CELF4: variants seen among roughly 807,000 people sequenced by gnomAD.
The protein encoded by CELF4 is CUGBP Elav-like family member 4.
Under a neutral mutation model 59.9 loss-of-function variants are expected in CELF4, and 18 were observed. That is an observed-to-expected ratio of 0.30 (90% CI 0.21 to 0.45). CELF4 has a LOEUF of 0.45. CELF4 is among the 20% of genes least tolerant of loss of function. The pLI, the probability that CELF4 is intolerant of heterozygous loss-of-function variation, is 1.00. For synonymous variants in CELF4, 261 were observed against 267.1 expected (o/e 0.98, Z 0.22); for missense variants, 456 against 689.0 (o/e 0.66, Z 3.79).
At chr18:37,420,658 G>T (rs2099572529) in intron 2 of CELF4, among the ~76,000 whole-genome samples, 1 of 152,174 alleles carries the variant, frequency 6.6e-6, no homozygotes, top group Non-Finnish European at 1.5e-5. Flanking sequence ...GAGAACAGGT[G>T]ACTCGTTCTC....
At chr18:37,457,654 C>T (rs552293227) in intron 2 of CELF4, among the ~76,000 whole-genome samples, 15 of 152,260 alleles carry the variant, frequency 9.9e-5, no homozygotes, top group African/African-American at 3.4e-4. Context: ...ACCTTACATC[C>T]CGCAGCCCGA....
intron 3 of CELF4, among the ~76,000 whole-genome samples, chr18:37,313,040 G>T (rs1259163748): frequency 2.0e-5 from 3 of 152,218 alleles, no homozygotes; most frequent in African/African-American, 7.2e-5. Flanking sequence ...AGGTGGGCAG[G>T]TGAGGGTGGG....
intron 1 of CELF4, among the ~76,000 whole-genome samples, chr18:37,547,109 G>A (rs1316652529): frequency 4.6e-5 from 7 of 151,680 alleles, no homozygotes; most frequent in Admixed American, 2.0e-4. Flanking sequence ...GTTCCCTGGC[G>A]AACTCCTTAC....
At chr18:37,273,676 G>A in intron 6 of CELF4, 1 of 988,074 alleles carries the variant, frequency 1.0e-6, no homozygotes, top group Non-Finnish European at 1.2e-6. Flanking sequence ...TGTGGCCAAG[G>A]CGGACAGTAC....
intron 2 of CELF4, among the ~76,000 whole-genome samples, chr18:37,326,978 A>C (rs2097339442): frequency 6.6e-6 from 1 of 152,212 alleles, no homozygotes; most frequent in East Asian, 1.9e-4. Flanking sequence ...AAATTTTAAT[A>C]ATGTCAAGCT....
intron 1 of CELF4, among the ~76,000 whole-genome samples, chr18:37,517,667 C>T (rs1433804056): frequency 6.6e-6 from 1 of 152,218 alleles, no homozygotes; most frequent in Non-Finnish European, 1.5e-5. Flanking sequence ...CTCTCCCTGC[C>T]TTCTCTTGTC....
intron 1 of CELF4, among the ~76,000 whole-genome samples, chr18:37,552,490 C>A (rs1440506769): frequency 6.6e-6 from 1 of 152,232 alleles, no homozygotes; most frequent in Non-Finnish European, 1.5e-5. Context: ...AGTGACTCCC[C>A]AACTCCCGCC....
At chr18:37,276,378 C>T (rs369760153) in intron 3 of CELF4, 6 of 152,346 alleles carry the variant, frequency 3.9e-5, no homozygotes, top group African/African-American at 1.4e-4. Context: ...ACTGCTCTAA[C>T]AAATAAAGAA....
intron 2 of CELF4, among the ~76,000 whole-genome samples, chr18:37,359,433 C>T (rs866853434): frequency 1.3e-5 from 2 of 152,102 alleles, no homozygotes; most frequent in African/African-American, 4.8e-5. Context: ...TCTCAAACTC[C>T]TAGACTCAAA....
intron 1 of CELF4, among the ~76,000 whole-genome samples, chr18:37,527,219 C>T (rs372905571): frequency 6.6e-5 from 10 of 151,744 alleles, no homozygotes; most frequent in South Asian, 2.1e-4. Flanking sequence ...AAATACCAGC[C>T]GCACTCCCTG....
At chr18:37,313,158 G>GTCT (rs1324573724) in intron 3 of CELF4, among the ~76,000 whole-genome samples, 1 of 152,166 alleles carries the variant, frequency 6.6e-6, no homozygotes, top group Non-Finnish European at 1.5e-5. Context: ...TCATCCCAGG[G>GTCT]TCTCCCAGGC....
intron 2 of CELF4, among the ~76,000 whole-genome samples, chr18:37,380,628 T>C (rs866595241): frequency 1.3e-5 from 2 of 150,652 alleles, no homozygotes; most frequent in Non-Finnish European, 1.5e-5. Context: ...TATTCATTTC[T>C]TCATCCATTT....
intron 3 of CELF4, among the ~76,000 whole-genome samples, chr18:37,316,907 C>G (rs2154513091): frequency 6.6e-6 from 1 of 152,292 alleles, no homozygotes; most frequent in Middle Eastern, 3.4e-3. Flanking sequence ...GTCCGAGAAG[C>G]CCTCCTGGGA....
intron 2 of CELF4, among the ~76,000 whole-genome samples, chr18:37,408,200 G>A (rs1191651014): frequency 1.3e-5 from 2 of 152,140 alleles, no homozygotes; most frequent in South Asian, 2.1e-4. Context: ...ATGGGCTGGG[G>A]AAGACAAGTG....
intron 1 of CELF4, among the ~76,000 whole-genome samples, chr18:37,519,053 T>A (rs1294401105): frequency 1.3e-5 from 2 of 152,142 alleles, no homozygotes; most frequent in Non-Finnish European, 2.9e-5. Flanking sequence ...CCAAGTAAGA[T>A]CTGTCTCCCA....
At chr18:37,490,292 G>A (rs925683300) in intron 1 of CELF4, among the ~76,000 whole-genome samples, 4 of 151,956 alleles carry the variant, frequency 2.6e-5, no homozygotes, top group African/African-American at 9.7e-5. Flanking sequence ...AGGGGGGTAT[G>A]TTTCCTATGA....
chr18:37,458,912 A>T (rs2099786000), intron 2 of CELF4, among the ~76,000 whole-genome samples: 1 of 152,108 alleles, frequency 6.6e-6, no homozygotes, highest in Admixed American at 6.5e-5. Context: ...TGTAGAATCT[A>T]TTGTCTTTTG....
intron 1 of CELF4, among the ~76,000 whole-genome samples, chr18:37,495,523 C>G (rs997174151): frequency 5.9e-5 from 9 of 152,160 alleles, no homozygotes; most frequent in African/African-American, 1.9e-4. Flanking sequence ...AAGAATCACA[C>G]CATGCCCCAT....
chr18:37,377,784 G>T (rs978434885), intron 2 of CELF4, among the ~76,000 whole-genome samples: 12 of 152,160 alleles, frequency 7.9e-5, no homozygotes, highest in Non-Finnish European at 2.9e-5. Context: ...GGACCCTGCT[G>T]GGAAGGATGC....
Sources: gnomAD v4.1 joint callset for allele counts (sites outside exome capture counted in the v4.1 genomes callset) on GRCh38, gnomAD v4.1.1 for gene constraint, MANE v1.5 for transcripts, NCBI Gene and HGNC (gene_info 2026-07-23, HGNC 2026-07-21) for gene names.